The following KCNE1 variants were observed in gnomAD, a reference collection of about 807,000 sequenced individuals.
KCNE1 encodes the protein potassium voltage-gated channel subfamily E member 1.
In KCNE1, 1 loss-of-function variant was observed where a neutral mutation model predicts 2.9. The ratio of observed to expected loss-of-function variants is 0.34; its 90% confidence interval spans 0.12 to 1.62. KCNE1 has a LOEUF of 1.62. Ranked by LOEUF, KCNE1 falls within the 40% of genes most tolerant of loss-of-function variation. The probability of loss-of-function intolerance (pLI) is 0.36; values close to 1 mark genes in which losing one functional copy is unlikely to be tolerated. For missense variants in KCNE1, 45 were observed against 150.5 expected (o/e 0.30, Z 3.67); for synonymous variants, 23 against 65.4 (o/e 0.35, Z 3.13).
intron 2 of KCNE1, among the ~76,000 whole-genome samples, chr21:34,499,667 C>T (rs562636552): frequency 5.3e-5 from 8 of 152,308 alleles, no homozygotes; most frequent in South Asian, 2.1e-4. Flanking sequence ...GCTGTAGATA[C>T]GGTTAAATCC....
chr21:34,498,800 A>T (rs1982966488), intron 2 of KCNE1, among the ~76,000 whole-genome samples: 1 of 152,134 alleles, frequency 6.6e-6, no homozygotes, highest in Admixed American at 6.5e-5. Context: ...TTCCGTCATG[A>T]GTTGTTGTAA....
chr21:34,502,309 G>A (rs560946584), intron 2 of KCNE1, among the ~76,000 whole-genome samples: 4 of 152,226 alleles, frequency 2.6e-5, no homozygotes, highest in South Asian at 2.1e-4. Flanking sequence ...ACTGTGTCAG[G>A]CACCTAGCTG....
At chr21:34,501,038 C>G (rs1983137380) in intron 2 of KCNE1, among the ~76,000 whole-genome samples, 1 of 152,178 alleles carries the variant, frequency 6.6e-6, no homozygotes. Context: ...CCCAAAGCTA[C>G]AGGACTTGTT....
chr21:34,509,077 CG>C (rs1228037426), intron 2 of KCNE1, among the ~76,000 whole-genome samples: 3 of 152,210 alleles, frequency 2.0e-5, no homozygotes, highest in African/African-American at 7.2e-5. Context: ...TTCATCATCT[CG>C]GTTTCCATGG....
At chr21:34,497,267 T>G (rs1360983721) in intron 2 of KCNE1, among the ~76,000 whole-genome samples, 2 of 152,200 alleles carry the variant, frequency 1.3e-5, no homozygotes, top group African/African-American at 4.8e-5. Context: ...TTGTATTGTT[T>G]TATAGGCCCT....
intron 2 of KCNE1, among the ~76,000 whole-genome samples, chr21:34,499,682 C>T (rs1328845156): frequency 6.6e-6 from 1 of 152,200 alleles, no homozygotes; most frequent in Non-Finnish European, 1.5e-5. Flanking sequence ...AAATCCTTCT[C>T]CTGTAATCTG....
chr21:34,508,755 C>T (rs1230316000), intron 2 of KCNE1, among the ~76,000 whole-genome samples: 2 of 152,194 alleles, frequency 1.3e-5, no homozygotes, highest in Admixed American at 1.3e-4. Context: ...ATAAATGATG[C>T]AAAATGCAAT....
intron 1 of KCNE1, 150 bp from the exon 2 acceptor site, chr21:34,511,465 GC>G: frequency 1.1e-5 from 1 of 93,660 alleles, no homozygotes; most frequent in Non-Finnish European, 1.5e-5. Context: ...TTCCCGCCCC[GC>G]CCACCCCTCC....
intron 2 of KCNE1, among the ~76,000 whole-genome samples, chr21:34,506,650 A>G (rs1367372929): frequency 2.0e-5 from 3 of 152,344 alleles, no homozygotes; most frequent in Middle Eastern, 6.8e-3. Flanking sequence ...CATCTAATAA[A>G]TATTTATTGA....
intron 2 of KCNE1, among the ~76,000 whole-genome samples, chr21:34,500,410 C>A (rs1173377333): frequency 6.6e-6 from 1 of 152,170 alleles, no homozygotes; most frequent in African/African-American, 2.4e-5. Flanking sequence ...TAAAATGATT[C>A]TTTTTGCCAT....
chr21:34,502,765 G>A (rs1263190231), intron 2 of KCNE1, among the ~76,000 whole-genome samples: 1 of 152,252 alleles, frequency 6.6e-6, no homozygotes, highest in Non-Finnish European at 1.5e-5. Flanking sequence ...CAACTGGCCT[G>A]AGCCTGTAAT....
intron 1 of KCNE1, among the ~76,000 whole-genome samples, chr21:34,511,555 C>T (rs1983840577): frequency 6.6e-6 from 1 of 151,330 alleles, no homozygotes; most frequent in Non-Finnish European, 1.5e-5. Context: ...TCCTGGGTTC[C>T]CAGTCTCCAG....
At chr21:34,501,673 A>T (rs1441900204) in intron 2 of KCNE1, among the ~76,000 whole-genome samples, 3 of 152,234 alleles carry the variant, frequency 2.0e-5, no homozygotes, top group African/African-American at 7.2e-5. Context: ...AAGAACCAGC[A>T]GAACCTGAGG....
chr21:34,502,390 T>G (rs961016519), intron 2 of KCNE1, among the ~76,000 whole-genome samples: 1 of 152,260 alleles, frequency 6.6e-6, no homozygotes, highest in Admixed American at 6.5e-5. Context: ...GGAACTGGCC[T>G]GAAAATGACT....
In KCNE1 at chr21:34,497,517, C is replaced by T. The variant is rs1982886247; in HGVS notation, c.-162+13584G>A. On this transcript the variant is annotated intron_variant, in intron 2 of 3. Transcript: ENST00000399286. Reference sequence around the variant, plus strand: ...GAGGCTAAAGATAAGACCCCAATTCCTTCTTGCTTATAGGGTTTCTGCTGA... The same window carrying T: ...GAGGCTAAAGATAAGACCCCAATTCTTTCTTGCTTATAGGGTTTCTGCTGA... Among the ~76,000 whole-genome samples the T allele has an allele frequency of 2.0e-5, 3 of 152,174 alleles. No homozygotes were observed. In the South Asian group the frequency reaches 6.2e-4, roughly 32 times the overall value.
chr21:34,495,657 G>T (rs1485881301), intron 2 of KCNE1, among the ~76,000 whole-genome samples: 3 of 149,172 alleles, frequency 2.0e-5, no homozygotes, highest in African/African-American at 7.4e-5. Context: ...TTTCTAGTTT[G>T]TGTGTGTAAA....
Position 34,511,152 on chromosome 21 carries a change from G to A in KCNE1, c.-213C>T, listed in dbSNP as rs1983823262. 1 of 985,666 alleles carries A rather than the reference G, an allele frequency of 1.0e-6. No individual in the cohort carries two copies. Among genetic ancestry groups the A allele is most frequent in the Non-Finnish European group, 1.2e-6 (1 of 830,126 alleles). 61.1% of individuals were successfully genotyped at this position (985,666 alleles called of 1,614,324 possible). On this transcript the variant is annotated 5_prime_UTR_variant, in exon 2 of 4. Coordinates refer to ENST00000399286, the MANE Select transcript of KCNE1 (RefSeq NM_000219.6). ...AGCACACTGCGGTGTCCACACCATT[G>A]GCAGCAGGCTCCTTCTCTTCAGGTG...
chr21:34,507,306 A>C (rs867584974), intron 2 of KCNE1, among the ~76,000 whole-genome samples: 2 of 152,292 alleles, frequency 1.3e-5, no homozygotes, highest in Middle Eastern at 3.4e-3. Context: ...ACAGGGAGAC[A>C]GGAGACACCT....
chr21:34,500,573 C>G (rs1206861056), intron 2 of KCNE1, among the ~76,000 whole-genome samples: 1 of 152,260 alleles, frequency 6.6e-6, no homozygotes, highest in African/African-American at 2.4e-5. Flanking sequence ...ACAGAGAATT[C>G]TTTCTTCCAG....
Sources: gnomAD v4.1 joint callset for allele counts (sites outside exome capture counted in the v4.1 genomes callset) on GRCh38, gnomAD v4.1.1 for gene constraint, MANE v1.5 for transcripts, NCBI Gene and HGNC (gene_info 2026-07-23, HGNC 2026-07-21) for gene names.